TAFA2: variants seen among roughly 807,000 people sequenced by gnomAD.
The protein encoded by TAFA2 is chemokine-like protein TAFA-2.
TAFA2 carries 7 observed loss-of-function variants against 18.8 expected under a neutral mutation model. The ratio of observed to expected loss-of-function variants is 0.37; its 90% CI spans 0.21 to 0.70. The LOEUF (loss-of-function observed/expected upper bound fraction) is 0.70, where lower values mean the gene tolerates loss of function less well. Among genes scored for constraint, TAFA2 ranks in the 30% least tolerant of loss-of-function variants. The pLI is 0.53. For synonymous variants in TAFA2, 60 were observed against 54.2 expected, an observed-to-expected ratio of 1.11 and a Z score of -0.47; for missense variants, 122 against 158.1, an observed-to-expected ratio of 0.77 and a Z score of 1.23.
chr12:62,232,415 C>A (rs1243399956), intron 1 of TAFA2, among the ~76,000 whole-genome samples: 2 of 152,228 alleles, frequency 1.3e-5, no homozygotes, highest in Non-Finnish European at 2.9e-5. Context: ...TCACCATCCC[C>A]TTTACTATCA....
At chr12:61,953,588 CAAA>C (rs33912504) in intron 1 of TAFA2, among the ~76,000 whole-genome samples, 1 of 151,952 alleles carries the variant, frequency 6.6e-6, no homozygotes, top group Non-Finnish European at 1.5e-5. Context: ...TTAACCTATA[CAAA>C]AAAAAAATGT....
At position 62,224,878 on chromosome 12, in the gene TAFA2, C is replaced by T. The variant is rs377220094; in HGVS notation, c.-130+33885G>A. On this transcript the variant is annotated intron_variant, in intron 1 of 5. Coordinates refer to the TAFA2 transcript ENST00000551619. ...GTAAATTTTACGTTATTTACATTTT[C>T]GCAGATTTTTAAAATTAAAATTAAA... Among the ~76,000 whole-genome samples the T allele has an allele frequency of 4.6e-5, 7 of 152,098 alleles. No homozygotes were observed. The South Asian group carries it at 6.2e-4, about 14-fold the overall frequency.
At chr12:61,781,400 C>T (rs1222872651) in intron 2 of TAFA2, among the ~76,000 whole-genome samples, 1 of 151,782 alleles carries the variant, frequency 6.6e-6, no homozygotes, top group Non-Finnish European at 1.5e-5. Flanking sequence ...CAGCTGCAAA[C>T]ACAGGCAGCA....
intron 2 of TAFA2, among the ~76,000 whole-genome samples, chr12:61,762,438 G>T (rs1869594697): frequency 6.6e-6 from 1 of 151,928 alleles, no homozygotes; most frequent in Non-Finnish European, 1.5e-5. Flanking sequence ...GCTTTCTAGA[G>T]TCTTTATGAA....
At chr12:61,955,675 T>C (rs1281737960) in intron 1 of TAFA2, among the ~76,000 whole-genome samples, 1 of 120,244 alleles carries the variant, frequency 8.3e-6, no homozygotes, top group African/African-American at 3.3e-5. Flanking sequence ...ATATATTTAA[T>C]TTTAAAAATT....
intron 1 of TAFA2, among the ~76,000 whole-genome samples, chr12:62,246,058 C>T (rs1343354468): frequency 1.2e-4 from 18 of 151,286 alleles, no homozygotes; most frequent in Non-Finnish European, 2.4e-4. Context: ...GCAATCTCAG[C>T]TCACTGCAAG....
intron 1 of TAFA2, among the ~76,000 whole-genome samples, chr12:62,013,351 A>C (rs923789472): frequency 5.3e-5 from 8 of 152,210 alleles, no homozygotes; most frequent in African/African-American, 1.9e-4. Context: ...CTAATGCAGG[A>C]TCAAGTAGAA....
chr12:61,718,423 AC>A (rs1454806623), intron 4 of TAFA2, among the ~76,000 whole-genome samples: 3 of 152,192 alleles, frequency 2.0e-5, no homozygotes, highest in Non-Finnish European at 2.9e-5. Context: ...ATTTGTTAAG[AC>A]AAGACTTTGC....
chr12:61,835,305 T>C (rs1402144283), intron 2 of TAFA2, among the ~76,000 whole-genome samples: 4 of 152,050 alleles, frequency 2.6e-5, no homozygotes, highest in African/African-American at 9.7e-5. Flanking sequence ...TTTACTATAC[T>C]TACAAAAATT....
At chr12:62,174,551 A>C (rs1025071815) in intron 1 of TAFA2, among the ~76,000 whole-genome samples, 2 of 152,204 alleles carry the variant, frequency 1.3e-5, no homozygotes, top group African/African-American at 2.4e-5. Flanking sequence ...GAGGGATATC[A>C]AACAAAATTA....
chr12:62,012,485 TG>T (rs1880804783), intron 1 of TAFA2, among the ~76,000 whole-genome samples: 1 of 151,980 alleles, frequency 6.6e-6, no homozygotes, highest in African/African-American at 2.4e-5. Flanking sequence ...AAGGTGCATA[TG>T]GTCAAGATGA....
At chr12:62,161,792 A>G (rs965078746) in intron 1 of TAFA2, among the ~76,000 whole-genome samples, 3 of 152,116 alleles carry the variant, frequency 2.0e-5, no homozygotes, top group Non-Finnish European at 4.4e-5. Context: ...GTGTGATTTT[A>G]TTAATCTTTC....
chr12:61,833,607 G>A (rs371624759), intron 2 of TAFA2, among the ~76,000 whole-genome samples: 3 of 151,604 alleles, frequency 2.0e-5, no homozygotes, highest in Non-Finnish European at 2.9e-5. Context: ...AACTTAAATC[G>A]TGTAACTTCT....
At chr12:61,943,357 A>C (rs1318244830) in intron 1 of TAFA2, among the ~76,000 whole-genome samples, 1 of 151,466 alleles carries the variant, frequency 6.6e-6, no homozygotes, top group African/African-American at 2.4e-5. Context: ...TCATGCCAAA[A>C]TGTAAAGATC....
Position 61,906,580 on chromosome 12 carries a change from G to C in TAFA2, c.-1-39154C>G, listed in dbSNP as rs537833101. ...AGACTAATACAGTAAATTGGTACTGGGTAGTGGGGTGCTTCTGTAAAGATA... is the reference window on the plus strand; with the variant it reads ...AGACTAATACAGTAAATTGGTACTGCGTAGTGGGGTGCTTCTGTAAAGATA... On this transcript the variant is annotated intron_variant, in intron 1 of 4. Transcript: ENST00000416284. Among the ~76,000 whole-genome samples, 6 of 152,216 alleles carry C rather than the reference G, an allele frequency of 3.9e-5. No individual in the cohort carries two copies. In the South Asian group the frequency reaches 1.2e-3, roughly 32 times the overall value.
chr12:61,838,641 G>A lies in TAFA2; in HGVS notation c.106+28679C>T, dbSNP rs572958835. 9.2e-5 allele frequency among the ~76,000 whole-genome samples: 14 copies of A among 152,120 alleles called. No individual in the cohort carries two copies. The South Asian group carries it at 2.9e-3, about 32-fold the overall frequency. ...TATTCATCCTACTGAAGCACAAAGAGAAGCAAACAAACAAACAAAGGCAAC... is the reference window on the plus strand; with the variant it reads ...TATTCATCCTACTGAAGCACAAAGAAAAGCAAACAAACAAACAAAGGCAAC... On this transcript the variant is annotated intron_variant, in intron 2 of 4. Transcript: ENST00000416284.
chr12:62,115,942 C>T (rs1029352785), intron 1 of TAFA2, among the ~76,000 whole-genome samples: 2 of 152,054 alleles, frequency 1.3e-5, no homozygotes, highest in African/African-American at 4.8e-5. Context: ...TCTAGCCTCC[C>T]AGATAAAGGA....
chr12:62,185,963 G>A (rs2136956280), intron 1 of TAFA2, among the ~76,000 whole-genome samples: 1 of 152,258 alleles, frequency 6.6e-6, no homozygotes, highest in Non-Finnish European at 1.5e-5. Flanking sequence ...AATTTTGAAT[G>A]ATCAGTTTTT....
chr12:61,828,851 G>A (rs906333411), intron 2 of TAFA2, among the ~76,000 whole-genome samples: 1 of 151,476 alleles, frequency 6.6e-6, no homozygotes, highest in African/African-American at 2.4e-5. Flanking sequence ...AAATCTCTTG[G>A]CCTTCACCAA....
Sources: allele counts gnomAD v4.1 joint callset (sites outside exome capture counted in the v4.1 genomes callset), GRCh38; gene constraint gnomAD v4.1.1; transcripts MANE v1.5; gene names NCBI Gene and HGNC (gene_info 2026-07-23, HGNC 2026-07-21).